NFXL1: variants seen among roughly 807,000 people sequenced by gnomAD.
NFXL1 encodes the protein nuclear transcription factor, X-box binding like 1.
Under a neutral mutation model 123.3 loss-of-function variants are expected in NFXL1, and 66 were observed. That is an observed-to-expected ratio of 0.54 (90% CI 0.44 to 0.66). The LOEUF is 0.66. NFXL1 is among the 30% of genes least tolerant of loss of function. NFXL1 has a pLI of 0.00. For missense variants in NFXL1, 944 were observed against 1,125.6 expected (o/e 0.84, Z 2.31); for synonymous variants, 346 against 360.8 (o/e 0.96, Z 0.46).
intron 18 of NFXL1, among the ~76,000 whole-genome samples, chr4:47,872,894 G>C (rs1050741955): frequency 6.6e-6 from 1 of 152,170 alleles, no homozygotes; most frequent in Non-Finnish European, 1.5e-5. Flanking sequence ...CTTTCAGGAA[G>C]ATTTCTCTGT....
intron 17 of NFXL1, chr4:47,876,897 A>G (rs866982222): frequency 2.7e-5 from 9 of 339,492 alleles, no homozygotes; most frequent in South Asian, 2.2e-4. Context: ...CATGATTCCT[A>G]TGTCTTTGAT....
At chr4:47,871,899 T>C (rs1735461403) in intron 18 of NFXL1, among the ~76,000 whole-genome samples, 2 of 152,148 alleles carry the variant, frequency 1.3e-5, no homozygotes, top group Admixed American at 6.5e-5. Context: ...TAAAGTAATA[T>C]TCCCAAATGA....
intron 18 of NFXL1, among the ~76,000 whole-genome samples, chr4:47,874,359 C>T (rs1177747971): frequency 1.3e-5 from 2 of 152,198 alleles, no homozygotes; most frequent in African/African-American, 4.8e-5. Flanking sequence ...CTTCCTTTCA[C>T]TTGAACACTT....
chr4:47,877,138 G>T (rs1735803140), intron 17 of NFXL1: 2 of 536,412 alleles, frequency 3.7e-6, no homozygotes, highest in Non-Finnish European at 6.7e-6. Context: ...TTTCTGATTT[G>T]CTACTCTCCT....
chr4:47,878,799 A>AT (rs1735908548), intron 16 of NFXL1, 134 bp from the exon 17 acceptor site: 1 of 604,172 alleles, frequency 1.7e-6, no homozygotes, highest in African/African-American at 1.9e-5. Flanking sequence ...AATAATAATA[A>AT]TATCAAAATC....
chr4:47,861,704 T>C (rs1296941479), intron 19 of NFXL1, among the ~76,000 whole-genome samples: 1 of 152,210 alleles, frequency 6.6e-6, no homozygotes, highest in African/African-American at 2.4e-5. Flanking sequence ...CTAGTTTCAC[T>C]TATAAAGACA....
intron 4 of NFXL1, 114 bp from the exon 5 acceptor site, chr4:47,903,437 A>C: frequency 1.7e-6 from 1 of 574,836 alleles, no homozygotes; most frequent in Non-Finnish European, 2.7e-6. Flanking sequence ...AGGATTAAAG[A>C]AAAAAGGTCT....
intron 18 of NFXL1, 48 bp from the exon 19 acceptor site, chr4:47,862,963 G>T: frequency 1.0e-6 from 1 of 1,002,148 alleles, no homozygotes; most frequent in Non-Finnish European, 1.5e-6. Context: ...CCATTTTATA[G>T]CATAATTTTT....
intron 2 of NFXL1, 59 bp from the exon 3 acceptor site, chr4:47,911,053 A>C: frequency 1.1e-6 from 1 of 948,192 alleles, no homozygotes; most frequent in Non-Finnish European, 1.5e-6. Flanking sequence ...GAAAAGCATA[A>C]TGTGCTAATA....
At chr4:47,882,553 C>T (rs1736177672) in intron 15 of NFXL1, among the ~76,000 whole-genome samples, 1 of 152,206 alleles carries the variant, frequency 6.6e-6, no homozygotes, top group Admixed American at 6.5e-5. Context: ...GTTCTACTTC[C>T]AATCTAATTA....
In NFXL1 at chr4:47,875,222, A is replaced by T. The variant is rs1376305079; in HGVS notation, c.2151T>A (p.Cys717Ter). 1 of 1,613,504 alleles carries T rather than the reference A, an allele frequency of 6.2e-7. No individual in the cohort carries two copies. Among genetic ancestry groups the T allele is most frequent in the Non-Finnish European group, 8.5e-7 (1 of 1,179,480 alleles). ...KSRPLGCLHP[C>*]ILRCHPGECP... ...ATTCTCCAGGGTGACATCGCAAAAT[A>T]CATGGGTGAAGACAACCTAGTGGCC... is the stretch of plus-strand genomic sequence containing the variant. Residue 717 changes from cysteine (C) to a stop codon, truncating the protein, a stop_gained, in exon 18 of 23, where the codon TGT becomes TGA. Coordinates refer to ENST00000507489, the MANE Select transcript of NFXL1 (RefSeq NM_001278624.2). LOFTEE classifies it high-confidence loss of function.
chr4:47,877,501 G>A (rs1735824009), intron 17 of NFXL1, among the ~76,000 whole-genome samples: 1 of 151,982 alleles, frequency 6.6e-6, no homozygotes, highest in Non-Finnish European at 1.5e-5. Flanking sequence ...TCCGTATTCT[G>A]GAAATCTGGA....
chr4:47,884,539 G>T (rs575230527), intron 14 of NFXL1, 102 bp from the exon 15 acceptor site: 2 of 636,900 alleles, frequency 3.1e-6, no homozygotes, highest in South Asian at 2.3e-5. Context: ...GCTCAAGCAG[G>T]TTGAAATTTT....
At chr4:47,894,462 T>C (rs1370792114) in intron 10 of NFXL1, among the ~76,000 whole-genome samples, 160 bp from the exon 11 acceptor site, 2 of 152,152 alleles carry the variant, frequency 1.3e-5, no homozygotes, top group East Asian at 3.8e-4. Context: ...CTAAAACATT[T>C]GCTTATATCT....
Position 47,862,882 on chromosome 4 carries a change from G to A in NFXL1, c.2280C>T (p.Asn760=), listed in dbSNP as rs768728985. Residue 760 remains asparagine (N), a synonymous_variant, in exon 19 of 23, where the codon AAC becomes AAT. Transcript: ENST00000507489. The stretch of plus-strand genomic sequence containing the variant: ...ACTGATTTTTGCAACAACTGAGGAG[G>A]TTCTTTTCATTTACATCAGCTGTGG... ...KITTADVNEK[N]LLSCCKNQCP... 1 of 1,581,420 alleles carries A rather than the reference G, an allele frequency of 6.3e-7. No individual in the cohort carries two copies. The highest frequency in any genetic ancestry group is 8.6e-7 in the Non-Finnish European group (1 of 1,167,598).
In NFXL1 at chr4:47,899,499, A is replaced by G; in HGVS notation, c.697T>C (p.Tyr233His). 1 of 1,613,108 alleles carries G rather than the reference A, an allele frequency of 6.2e-7. No individual in the cohort carries two copies. Reference sequence around the variant, plus strand: ...TCTTCTACTTTTCCACAATAGCAATAGTACCTACTAGGTGTTTCAGATCGT... The same window carrying G: ...TCTTCTACTTTTCCACAATAGCAATGGTACCTACTAGGTGTTTCAGATCGT... ...YKRSETPSRY[Y>H]CYCGKVEDPP... is the part of the protein sequence containing the mutation. The change falls in exon 6 of 23, where the codon TAT becomes CAT. Residue 233 changes from tyrosine to histidine, a missense_variant. Tyr to His is a moderately conservative substitution (Grantham distance 83). Coordinates refer to ENST00000507489, the MANE Select transcript of NFXL1 (RefSeq NM_001278624.2).
Position 47,878,623 on chromosome 4 carries a change from T to C in NFXL1, c.1981A>G (p.Lys661Glu), listed in dbSNP as rs771949328. The C allele has an allele frequency of 4.4e-6, 7 of 1,607,296 alleles. No homozygotes were observed. Among genetic ancestry groups the C allele is most frequent in the South Asian group, 2.2e-5 (2 of 89,794 alleles). ...TCCAAGATTCTTCCACAAACTCTTT[T>C]ACAAGAGTAGGGTCCTACAGCATGG... ...PCHAVGPYSCKRVCGRILDCQ... is the reference protein window; with the variant it reads ...PCHAVGPYSCERVCGRILDCQ... The change falls in exon 17 of 23, where the codon AAA (lysine) becomes GAA (glutamate). Residue 661 changes from lysine to glutamate, a missense_variant. Coordinates refer to ENST00000507489, the MANE Select transcript of NFXL1 (RefSeq NM_001278624.2).
In NFXL1 at chr4:47,875,354, T is replaced by C. The variant is rs1330472244; in HGVS notation, c.2080-61A>G. 4 of 1,274,876 alleles carry C rather than the reference T, an allele frequency of 3.1e-6. No individual in the cohort carries two copies. The South Asian group carries it at 4.6e-5, about 15-fold the overall frequency. 79.0% of individuals were successfully genotyped at this position (1,274,876 alleles called of 1,614,324 possible). A position where few individuals can be genotyped will look rare whatever the true frequency, so the allele number is the denominator to read the frequency against. On this transcript the variant is annotated intron_variant, in intron 17 of 22. Coordinates refer to ENST00000507489, the MANE Select transcript of NFXL1 (RefSeq NM_001278624.2). ...AAGGTAAGCCTAACATTTCCATATG[T>C]TACAGTTATAAAATTTATATATCCC...
At chr4:47,885,215 A>C (rs966764393) in intron 14 of NFXL1, among the ~76,000 whole-genome samples, 1 of 152,022 alleles carries the variant, frequency 6.6e-6, no homozygotes, top group Non-Finnish European at 1.5e-5. Flanking sequence ...ATTATAGGAG[A>C]TATCTATAAC....
Sources: allele counts gnomAD v4.1 joint callset (sites outside exome capture counted in the v4.1 genomes callset), GRCh38; gene constraint gnomAD v4.1.1; transcripts MANE v1.5; gene names NCBI Gene and HGNC (gene_info 2026-07-23, HGNC 2026-07-21).